FBXO38: variants seen among roughly 807,000 people sequenced by gnomAD.
The protein encoded by FBXO38 is F-box only protein 38.
A neutral mutation model predicts 131.9 loss-of-function variants in FBXO38; 53 were observed. The ratio of observed to expected loss-of-function variants is 0.40; its 90% CI spans 0.32 to 0.51. The LOEUF is 0.51. FBXO38 is among the 20% of genes least tolerant of loss of function. FBXO38 has a pLI of 0.53. For synonymous variants in FBXO38, 452 were observed against 505.6 expected (o/e 0.89, Z 1.42); for missense variants, 1,076 against 1,475.6 (o/e 0.73, Z 4.44).
intron 7 of FBXO38, among the ~76,000 whole-genome samples, chr5:148,407,947 G>C (rs905054664): frequency 2.0e-5 from 3 of 151,714 alleles, no homozygotes; most frequent in Non-Finnish European, 2.9e-5. Flanking sequence ...GAGAGAGAGA[G>C]TGAAAAACCA....
chr5:148,402,723 C>T (rs762404293), intron 5 of FBXO38, among the ~76,000 whole-genome samples: 1 of 152,168 alleles, frequency 6.6e-6, no homozygotes, highest in East Asian at 1.9e-4. Flanking sequence ...GTACATTCTC[C>T]ATCTGAATAT....
intron 14 of FBXO38, among the ~76,000 whole-genome samples, chr5:148,426,118 A>G (rs1753701088): frequency 6.6e-6 from 1 of 152,292 alleles, no homozygotes; most frequent in East Asian, 1.9e-4. Context: ...AAGGAGTCCT[A>G]AAGCATATTT....
rs1239985713 is a variant in FBXO38, at chr5:148,401,075, A to G, written c.263-907A>G. The stretch of plus-strand genomic sequence containing the variant: ...ATAACTTAAAAATAAAACAACTTTC[A>G]AAAAAGTATGTAAGACTTAAATATT... On this transcript the variant is annotated intron_variant, in intron 3 of 21. Transcript: ENST00000340253. 2.0e-5 allele frequency among the ~76,000 whole-genome samples: 3 copies of G among 152,188 alleles called. 1 individual carries two copies. Among genetic ancestry groups the G allele is most frequent in the African/African-American group, 7.2e-5 (3 of 41,446 alleles).
chr5:148,418,173 T>C (rs1375164191), intron 12 of FBXO38, among the ~76,000 whole-genome samples: 1 of 152,174 alleles, frequency 6.6e-6, no homozygotes, highest in Non-Finnish European at 1.5e-5. Context: ...TTCATCTAAT[T>C]TGACATCTCA....
intron 3 of FBXO38, among the ~76,000 whole-genome samples, chr5:148,401,518 A>G (rs1470394161): frequency 6.6e-6 from 1 of 152,186 alleles, no homozygotes; most frequent in Non-Finnish European, 1.5e-5. Context: ...TTAGGTCAGA[A>G]CTGTGAGCTT....
intron 12 of FBXO38, among the ~76,000 whole-genome samples, chr5:148,418,701 C>G (rs1246785536): frequency 6.6e-6 from 1 of 152,202 alleles, no homozygotes; most frequent in Non-Finnish European, 1.5e-5. Context: ...GGGAAACTTA[C>G]AGCAGCTGCC....
At chr5:148,397,408 A>G (rs923623798) in intron 2 of FBXO38, among the ~76,000 whole-genome samples, 1 of 152,170 alleles carries the variant, frequency 6.6e-6, no homozygotes, top group Non-Finnish European at 1.5e-5. Flanking sequence ...ATTTTAACCT[A>G]GGCAAATACA....
intron 7 of FBXO38, among the ~76,000 whole-genome samples, chr5:148,408,821 T>G (rs949839481): frequency 1.3e-5 from 2 of 152,226 alleles, no homozygotes; most frequent in African/African-American, 4.8e-5. Context: ...CAGGGTTTCT[T>G]TTTTTACAAT....
chr5:148,398,989 T>C lies in FBXO38; in HGVS notation c.129-10T>C, dbSNP rs748653699. The C allele has an allele frequency of 1.2e-6, 2 of 1,612,644 alleles. No individual in the cohort carries two copies. Among genetic ancestry groups the C allele is most frequent in the South Asian group, 2.2e-5 (2 of 91,004 alleles). ...CACTTGATAAATACGAGTTTCTTTC[T>C]CTCACAAAGGTACCTCCCTCTGCAG... is the stretch of plus-strand genomic sequence containing the variant. On this transcript the variant is annotated splice_polypyrimidine_tract_variant and intron_variant, in intron 2 of 21. Coordinates refer to ENST00000340253, the MANE Select transcript of FBXO38 (RefSeq NM_205836.3).
intron 5 of FBXO38, among the ~76,000 whole-genome samples, chr5:148,404,374 A>G (rs1265833565): frequency 1.3e-5 from 2 of 152,190 alleles, no homozygotes; most frequent in Non-Finnish European, 2.9e-5. Flanking sequence ...CTTCTGGGAA[A>G]ACGTATCCTA....
At chr5:148,399,268 A>G in intron 3 of FBXO38, 136 bp downstream of exon 3, 1 of 948,734 alleles carries the variant, frequency 1.1e-6, no homozygotes, top group Non-Finnish European at 1.5e-6. Flanking sequence ...TGTCTAAATT[A>G]TTTATGTTGG....
intron 9 of FBXO38, 140 bp from the exon 10 acceptor site, chr5:148,413,996 T>C: frequency 1.5e-6 from 1 of 649,240 alleles, no homozygotes; most frequent in Non-Finnish European, 2.5e-6. Flanking sequence ...CCTAAAATTA[T>C]ACCTGAACCC....
intron 1 of FBXO38, chr5:148,389,762 C>G (rs2113484054): frequency 1.3e-5 from 2 of 152,444 alleles, no homozygotes; most frequent in Middle Eastern, 6.8e-3. Context: ...GGCGTGGTGG[C>G]TCACGCCTGT....
At chr5:148,422,282 C>T (rs1037220500) in intron 12 of FBXO38, among the ~76,000 whole-genome samples, 2 of 152,188 alleles carry the variant, frequency 1.3e-5, no homozygotes, top group Non-Finnish European at 2.9e-5. Flanking sequence ...TGTACTACTT[C>T]CACCACTACA....
chr5:148,441,207 G>T lies in FBXO38; in HGVS notation c.3358G>T (p.Ala1120Ser). The change falls in exon 21 of 22, where the codon GCT (alanine) becomes TCT (serine). Residue 1120 changes from alanine (A) to serine (S), a missense_variant. Physicochemically the swap from Ala to Ser is moderately conservative, Grantham distance 99 (BLOSUM62 1). Around this residue, in one of 8 missense-constraint regions of FBXO38, gnomAD observed 282 missense variants for 418.8 expected, o/e 0.67. Coordinates refer to ENST00000340253, the MANE Select transcript of FBXO38 (RefSeq NM_205836.3). ...SLRAAEPNSF[A>S]RYDFEDDEES... ...ACGAGCTGCAGAGCCCAACAGCTTCGCTCGATACGACTTTGAAGACGATGA... is the reference window on the plus strand; with the variant it reads ...ACGAGCTGCAGAGCCCAACAGCTTCTCTCGATACGACTTTGAAGACGATGA... 1 of 1,613,324 alleles carries T rather than the reference G, an allele frequency of 6.2e-7. No homozygotes were observed. Among genetic ancestry groups the T allele is most frequent in the South Asian group, 1.1e-5 (1 of 90,856 alleles).
At chr5:148,398,193 C>T (rs78016579) in intron 2 of FBXO38, among the ~76,000 whole-genome samples, 11,635 of 152,028 alleles carry the variant, frequency 0.077, 850 homozygotes, top group East Asian at 0.23. Flanking sequence ...TAGAATGTGA[C>T]GCAATACAGG....
At chr5:148,417,797 A>T (rs185848730) in intron 12 of FBXO38, among the ~76,000 whole-genome samples, 1 of 152,262 alleles carries the variant, frequency 6.6e-6, no homozygotes, top group African/African-American at 2.4e-5. Context: ...CCTTCTGTTG[A>T]TGAGTGAAGT....
chr5:148,421,588 T>C (rs1753436968), intron 12 of FBXO38, among the ~76,000 whole-genome samples: 1 of 151,298 alleles, frequency 6.6e-6, no homozygotes, highest in South Asian at 2.1e-4. Flanking sequence ...AAACATTTGG[T>C]GAATATTGAT....
intron 11 of FBXO38, 137 bp downstream of exon 11, chr5:148,416,207 T>A: frequency 1.3e-6 from 1 of 746,194 alleles, no homozygotes; most frequent in Non-Finnish European, 2.1e-6. Flanking sequence ...CCAGCCTCAG[T>A]GAAGGCATAA....
Sources: allele counts gnomAD v4.1 joint callset (sites outside exome capture counted in the v4.1 genomes callset), GRCh38; gene constraint gnomAD v4.1.1; regional missense constraint gnomAD v4.1.1; transcripts MANE v1.5; gene names NCBI Gene and HGNC (gene_info 2026-07-23, HGNC 2026-07-21).